The following SLC35F4 variants were observed in gnomAD, a reference collection of about 807,000 sequenced individuals.
SLC35F4 encodes solute carrier family 35 member F4.
In SLC35F4, 24 loss-of-function variants were observed where a neutral mutation model predicts 44.2. The ratio of observed to expected loss-of-function variants is 0.54; its 90% CI spans 0.39 to 0.76. The LOEUF (loss-of-function observed/expected upper bound fraction) is 0.76. SLC35F4 is among the 30% of genes least tolerant of loss of function. The pLI, the probability that SLC35F4 is intolerant of heterozygous loss-of-function variation, is 0.00. For missense variants in SLC35F4, 562 were observed against 586.1 expected (o/e 0.96, Z 0.42); for synonymous variants, 238 against 223.6 (o/e 1.06, Z -0.57).
intron 1 of SLC35F4, among the ~76,000 whole-genome samples, chr14:57,937,612 AAAGAAAAG>A (rs1889833359): frequency 1.1e-5 from 1 of 87,712 alleles, no homozygotes; most frequent in Non-Finnish European, 2.3e-5. Flanking sequence ...AAAGAAAAGA[AAAGAAAAG>A]AAAAGAAAAG....
chr14:57,865,467 T>A (rs1332990875), intron 1 of SLC35F4, among the ~76,000 whole-genome samples: 1 of 151,892 alleles, frequency 6.6e-6, no homozygotes, highest in Non-Finnish European at 1.5e-5. Context: ...CCTCCGCACC[T>A]CCCCCCAAGG....
chr14:57,933,426 C>T (rs940206312), intron 1 of SLC35F4, among the ~76,000 whole-genome samples: 10 of 152,246 alleles, frequency 6.6e-5, no homozygotes, highest in South Asian at 2.1e-4. Context: ...TAAGCCCATA[C>T]GCTATGTGAT....
Position 57,719,756 on chromosome 14 carries a change from A to G in SLC35F4, c.104-125632T>C, listed in dbSNP as rs554266261. ...CAAATATAAGATGGTAGCATCTGCAAACAATGATAATTTGGCTCCTTTCTT... is the reference window on the plus strand; with the variant it reads ...CAAATATAAGATGGTAGCATCTGCAGACAATGATAATTTGGCTCCTTTCTT... On this transcript the variant is annotated intron_variant, in intron 1 of 7. Transcript: ENST00000556826. 2.0e-3 allele frequency among the ~76,000 whole-genome samples: 304 copies of G among 152,308 alleles called. 2 individuals carry two copies. Among genetic ancestry groups the G allele is most frequent in the African/African-American group, 7.0e-3 (291 of 41,570 alleles).
intron 1 of SLC35F4, among the ~76,000 whole-genome samples, chr14:57,979,520 T>C (rs1881315932): frequency 6.6e-6 from 1 of 152,154 alleles, no homozygotes; most frequent in Non-Finnish European, 1.5e-5. Context: ...TTACCTCTCA[T>C]TCCCTGCTTC....
At chr14:57,613,661 CTT>C (rs1469015421) in intron 1 of SLC35F4, among the ~76,000 whole-genome samples, 3 of 152,342 alleles carry the variant, frequency 2.0e-5, no homozygotes, top group Admixed American at 6.5e-5. Flanking sequence ...CTTCCAAAGA[CTT>C]TTGAAAATAC....
intron 1 of SLC35F4, among the ~76,000 whole-genome samples, chr14:57,711,001 G>A (rs1043128682): frequency 6.6e-6 from 1 of 152,060 alleles, no homozygotes; most frequent in African/African-American, 2.4e-5. Context: ...GTGAGGATAT[G>A]AGATTTGGGA....
chr14:57,669,127 T>C (rs2074421141), intron 1 of SLC35F4, among the ~76,000 whole-genome samples: 1 of 152,130 alleles, frequency 6.6e-6, no homozygotes, highest in Non-Finnish European at 1.5e-5. Context: ...TTTGGCTCTC[T>C]GTTTGTCTGT....
chr14:57,610,501 C>T (rs1595042192), intron 1 of SLC35F4, among the ~76,000 whole-genome samples: 1 of 152,190 alleles, frequency 6.6e-6, no homozygotes, highest in African/African-American at 2.4e-5. Flanking sequence ...TCAATTTGGG[C>T]TGTAAGACAA....
chr14:57,717,153 G>C (rs928593558), intron 1 of SLC35F4, among the ~76,000 whole-genome samples: 2 of 152,138 alleles, frequency 1.3e-5, no homozygotes, highest in African/African-American at 4.8e-5. Context: ...TGTGAATAGT[G>C]CTATGATAAA....
intron 1 of SLC35F4, among the ~76,000 whole-genome samples, chr14:57,803,483 G>T (rs2347366): frequency 7.9e-5 from 12 of 151,728 alleles, no homozygotes; most frequent in Non-Finnish European, 1.5e-4. Flanking sequence ...ATAAGTAAAG[G>T]GTATTCAAAT....
intron 1 of SLC35F4, among the ~76,000 whole-genome samples, chr14:57,654,019 A>G (rs2073876353): frequency 6.6e-6 from 1 of 152,092 alleles, no homozygotes; most frequent in Non-Finnish European, 1.5e-5. Flanking sequence ...TCATCTTCAC[A>G]TGGTGCTCTA....
intron 1 of SLC35F4, among the ~76,000 whole-genome samples, chr14:57,955,621 TCA>T (rs1402164445): frequency 6.6e-6 from 1 of 152,128 alleles, no homozygotes; most frequent in African/African-American, 2.4e-5. Context: ...TGTGCAAAAA[TCA>T]CAAGCATTCC....
chr14:57,596,502 T>G, intron 1 of SLC35F4: 1 of 341,050 alleles, frequency 2.9e-6, no homozygotes, highest in South Asian at 2.4e-5. Flanking sequence ...CTTTTAAAAT[T>G]TATCTTTTGA....
chr14:57,870,616 TG>T (rs1219249911), upstream of SLC35F4, among the ~76,000 whole-genome samples: 1 of 152,202 alleles, frequency 6.6e-6, no homozygotes, highest in Non-Finnish European at 1.5e-5. Context: ...CTCTGTAAAA[TG>T]GGCTCATACT....
At chr14:57,867,179 G>T (rs973664031), upstream of SLC35F4, among the ~76,000 whole-genome samples, 32 of 151,894 alleles carry the variant, frequency 2.1e-4, no homozygotes, top group African/African-American at 7.5e-4. Context: ...AGAAACAAAA[G>T]TCGACTTCAA....
At chr14:57,592,054 C>T (rs886653887) in intron 2 of SLC35F4, among the ~76,000 whole-genome samples, 2 of 152,156 alleles carry the variant, frequency 1.3e-5, no homozygotes, top group African/African-American at 4.8e-5. Context: ...AGATTAGGTA[C>T]CCAGAACTCT....
At chr14:57,640,690 C>T (rs2073187334) in intron 1 of SLC35F4, among the ~76,000 whole-genome samples, 1 of 151,992 alleles carries the variant, frequency 6.6e-6, no homozygotes, top group African/African-American at 2.4e-5. Context: ...AGTATAGTCA[C>T]ACAGAGCCCT....
At chr14:57,673,000 A>C (rs1017209425) in intron 1 of SLC35F4, among the ~76,000 whole-genome samples, 7 of 152,110 alleles carry the variant, frequency 4.6e-5, no homozygotes, top group African/African-American at 1.7e-4. Flanking sequence ...AAAATTTGCC[A>C]TAATTAGTCC....
At chr14:57,885,269 T>C (rs1362370253) in intron 1 of SLC35F4, among the ~76,000 whole-genome samples, 2 of 152,208 alleles carry the variant, frequency 1.3e-5, no homozygotes, top group Non-Finnish European at 2.9e-5. Flanking sequence ...TACCTTTGAA[T>C]GCAGGTAGTA....
Sources: allele counts gnomAD v4.1 joint callset (sites outside exome capture counted in the v4.1 genomes callset), GRCh38; gene constraint gnomAD v4.1.1; transcripts MANE v1.5; gene names NCBI Gene and HGNC (gene_info 2026-07-23, HGNC 2026-07-21).